The following TBXAS1 variants were observed in gnomAD, a reference collection of about 807,000 sequenced individuals.
The protein encoded by TBXAS1 is thromboxane A synthase 1.
A neutral mutation model predicts 60.7 loss-of-function variants in TBXAS1; 48 were observed. That is an observed-to-expected ratio of 0.79 (90% confidence interval 0.63 to 1.01). The LOEUF is 1.01. Among genes scored for constraint, TBXAS1 ranks in the 50% least tolerant of loss-of-function variants. The probability of loss-of-function intolerance (pLI) is 0.00; values close to 1 mark genes in which losing one functional copy is unlikely to be tolerated. For synonymous variants in TBXAS1, 287 were observed against 269.7 expected (o/e 1.06, Z -0.63); for missense variants, 685 against 686.3 (o/e 1.00, Z 0.02).
chr7:140,015,868 C>T lies in TBXAS1; in HGVS notation c.1364+8C>T, dbSNP rs1467579074. 6.2e-7 allele frequency: 1 copy of T among 1,613,720 alleles called. No individual in the cohort carries two copies. Among genetic ancestry groups the T allele is most frequent in the Non-Finnish European group, 8.5e-7 (1 of 1,180,038 alleles). ...GACCTTCAACCCTGAAAGGTGAGTA[C>T]TGCCCCTTTTAAAAAGCTCTGAAGG... On this transcript the variant is annotated splice_region_variant and intron_variant, in intron 11 of 12. Coordinates refer to ENST00000448866, the MANE Select transcript of TBXAS1 (RefSeq NM_001061.7).
intron 4 of TBXAS1, among the ~76,000 whole-genome samples, chr7:139,796,349 C>A (rs1349129924): frequency 6.6e-6 from 1 of 152,142 alleles, no homozygotes; most frequent in Non-Finnish European, 1.5e-5. Context: ...CATGGAGGGG[C>A]CTTAAATGCA....
chr7:139,954,082 C>T (rs1809648898), intron 6 of TBXAS1, among the ~76,000 whole-genome samples: 2 of 152,126 alleles, frequency 1.3e-5, no homozygotes, highest in Non-Finnish European at 2.9e-5. Context: ...GACAATTCTC[C>T]TGCTTCCAAC....
intron 1 of TBXAS1, among the ~76,000 whole-genome samples, chr7:139,871,796 T>C (rs557804407): frequency 5.9e-5 from 9 of 152,222 alleles, no homozygotes; most frequent in Non-Finnish European, 1.2e-4. Flanking sequence ...GGGGTTAGTC[T>C]TGACCATGAA....
chr7:139,951,977 AG>A (rs764927344), intron 5 of TBXAS1, among the ~76,000 whole-genome samples: 1 of 147,904 alleles, frequency 6.8e-6, no homozygotes, highest in Non-Finnish European at 1.5e-5. Flanking sequence ...AAAGAAAGAA[AG>A]AAAGAAAGAA....
At chr7:139,976,534 G>T (rs1312704963) in intron 9 of TBXAS1, among the ~76,000 whole-genome samples, 1 of 152,206 alleles carries the variant, frequency 6.6e-6, no homozygotes, top group African/African-American at 2.4e-5. Flanking sequence ...GACAGCAAAA[G>T]ACTCTAAAAC....
At chr7:139,842,538 A>G (rs1320225206) in intron 1 of TBXAS1, among the ~76,000 whole-genome samples, 1 of 152,228 alleles carries the variant, frequency 6.6e-6, no homozygotes, top group Non-Finnish European at 1.5e-5. Flanking sequence ...GCATCTGGAC[A>G]TGGGAATGAG....
At chr7:139,918,131 C>A (rs1806149103) in intron 4 of TBXAS1, among the ~76,000 whole-genome samples, 1 of 152,166 alleles carries the variant, frequency 6.6e-6, no homozygotes. Flanking sequence ...CTCTTCTAAG[C>A]CATAGCTCAG....
rs368746172 is a variant in TBXAS1 at position 140,017,631 on chromosome 7, G to T, written c.1365-40G>T. 8.8e-5 allele frequency: 142 copies of T among 1,609,618 alleles called. No homozygotes were observed. In the African/African-American group the frequency reaches 1.7e-3, roughly 20 times the overall value. ...AGCACAGGGCTGCAGAGGGGAGGGA[G>T]CGGGTGTTCTGGGCCAGCCCTGACC... On this transcript the variant is annotated intron_variant, in intron 11 of 12. Coordinates refer to ENST00000448866, the MANE Select transcript of TBXAS1 (RefSeq NM_001061.7).
intron 10 of TBXAS1, among the ~76,000 whole-genome samples, chr7:140,011,281 A>C (rs374045562): frequency 2.1e-5 from 3 of 144,472 alleles, no homozygotes; most frequent in Middle Eastern, 3.4e-3. Context: ...TGTCTCAAAA[A>C]AAACAAACAA....
chr7:139,995,444 G>C (rs889262012), intron 9 of TBXAS1, among the ~76,000 whole-genome samples: 3 of 152,130 alleles, frequency 2.0e-5, no homozygotes, highest in Admixed American at 6.5e-5. Context: ...TGGCCTGGCA[G>C]AGTGACCAGG....
At position 139,878,741 on chromosome 7, in the gene TBXAS1, A is replaced by G. The variant is rs552837880; in HGVS notation, c.236+3104A>G. On this transcript the variant is annotated intron_variant, in intron 3 of 12. Transcript: ENST00000448866. ...ACAGCAAAGACCCTTCTTGCAGAGA[A>G]CAATTTAATTTAAATTACATTAGTT... 1.3e-4 allele frequency among the ~76,000 whole-genome samples: 20 copies of G among 152,378 alleles called. No homozygotes were observed. In the East Asian group the frequency reaches 3.7e-3, roughly 28 times the overall value.
At chr7:139,955,191 G>A (rs1809740810) in intron 6 of TBXAS1, among the ~76,000 whole-genome samples, 1 of 152,132 alleles carries the variant, frequency 6.6e-6, no homozygotes, top group African/African-American at 2.4e-5. Context: ...GGTGGAAGAG[G>A]CTGTGCCCTC....
intron 9 of TBXAS1, among the ~76,000 whole-genome samples, chr7:139,984,924 G>GAA (rs1323066558): frequency 8.2e-6 from 1 of 121,522 alleles, no homozygotes; most frequent in East Asian, 2.2e-4. Flanking sequence ...AAGAAAGAAG[G>GAA]AAAGAAAGAA....
Position 139,896,070 on chromosome 7 carries a change from G to T in TBXAS1, c.237-15155G>T, listed in dbSNP as rs1452083064. On this transcript the variant is annotated intron_variant, in intron 3 of 12. Coordinates refer to ENST00000448866, the MANE Select transcript of TBXAS1 (RefSeq NM_001061.7). The surrounding 1 kb of genome is among the most constrained non-coding windows in gnomAD (Gnocchi z 4.0). Reference sequence around the variant, plus strand: ...AATAGGGAAGCCAAGAGGATAAAATGATTTCCCAGTCCTGGAAAGGCAGCT... The same window carrying T: ...AATAGGGAAGCCAAGAGGATAAAATTATTTCCCAGTCCTGGAAAGGCAGCT... Among the ~76,000 whole-genome samples, 2 of 152,212 alleles carry T rather than the reference G, an allele frequency of 1.3e-5. No homozygotes were observed. The highest frequency in any genetic ancestry group is 2.9e-5 in the Non-Finnish European group (2 of 68,040).
chr7:140,007,150 A>G lies in TBXAS1; in HGVS notation c.1194A>G (p.Ala398=), dbSNP rs1345068964. Residue 398 remains alanine (A), a synonymous_variant, in exon 10 of 13, where the codon GCA becomes GCG. Coordinates refer to ENST00000448866, the MANE Select transcript of TBXAS1 (RefSeq NM_001061.7). ...TGCCCTATCTGGACATGGTGATTGC[A>G]GAGACGCTGAGGATGTACCCGCCAG... ...EGLPYLDMVI[A]ETLRMYPPAF... The G allele has an allele frequency of 2.5e-6, 4 of 1,614,158 alleles. No individual in the cohort carries two copies. The highest frequency in any genetic ancestry group is 3.4e-6 in the Non-Finnish European group (4 of 1,180,010).
chr7:139,982,043 T>A (rs969918422), intron 9 of TBXAS1, among the ~76,000 whole-genome samples: 1 of 152,250 alleles, frequency 6.6e-6, no homozygotes, highest in African/African-American at 2.4e-5. Context: ...TCTGAAAATT[T>A]CCCTCTTGTT....
chr7:139,824,829 C>CTTTTCTTTTT (rs1401847052), upstream of TBXAS1, among the ~76,000 whole-genome samples: 36 of 38,866 alleles, frequency 9.3e-4, 4 homozygotes, highest in African/African-American at 2.1e-3. Flanking sequence ...TTTTCCTTTT[C>CTTTTCTTTTT]TTTTTTTTTT....
chr7:139,841,551 TG>T lies in TBXAS1; in HGVS notation c.89+12073del, dbSNP rs146743133. Among the ~76,000 whole-genome samples, 1,179 of 152,036 alleles carry T rather than the reference TG, an allele frequency of 7.8e-3. 19 individuals are homozygous for T. The highest frequency in any genetic ancestry group is 0.027 in the African/African-American group (1,129 of 41,434). ...TGGGTACTTCGATTTAATAACTCAG[TG>T]ATGAGCTTGGAGATAAAATTGAGCC... On this transcript the variant is annotated intron_variant, in intron 1 of 12. Coordinates refer to ENST00000448866, the MANE Select transcript of TBXAS1 (RefSeq NM_001061.7).
At chr7:139,843,341 T>C in intron 1 of TBXAS1, among the ~76,000 whole-genome samples, 1 of 151,660 alleles carries the variant, frequency 6.6e-6, no homozygotes, top group Non-Finnish European at 1.5e-5. Context: ...TATTTATTTA[T>C]TTATTTATTT....
Sources: gnomAD v4.1 joint callset for allele counts (sites outside exome capture counted in the v4.1 genomes callset) on GRCh38, gnomAD v4.1.1 for gene constraint, Gnocchi (gnomAD v3.1) non-coding constraint, MANE v1.5 for transcripts, NCBI Gene and HGNC (gene_info 2026-07-23, HGNC 2026-07-21) for gene names.